The following IGFL3 variants were observed in gnomAD, a reference collection of about 807,000 sequenced individuals.
IGFL3 encodes insulin growth factor-like family member 3.
Under a neutral mutation model 17.0 loss-of-function variants are expected in IGFL3, and 12 were observed. That is an observed-to-expected ratio of 0.71 (90% CI 0.45 to 1.14). The LOEUF (loss-of-function observed/expected upper bound fraction) is 1.14. Among genes scored for constraint, IGFL3 ranks in the 50% most tolerant of loss-of-function variants. The pLI is 0.00. For synonymous variants in IGFL3, 52 were observed against 57.4 expected (o/e 0.91, Z 0.42); for missense variants, 153 against 151.6 (o/e 1.01, Z -0.05).
chr19:46,120,364 C>T lies in IGFL3; in HGVS notation c.351-7G>A. 6.2e-7 allele frequency: 1 copy of T among 1,610,952 alleles called. No homozygotes were observed. Among genetic ancestry groups the T allele is most frequent in the Admixed American group, 1.7e-5 (1 of 59,580 alleles). On this transcript the variant is annotated splice_region_variant and splice_polypyrimidine_tract_variant and intron_variant, in intron 3 of 3. Transcript: ENST00000341415. ...CAGGACGTGCCTCCTGTTCCTATCA[C>T]AGTGCCCCAAATCAAAGTGTCTTAA...
Position 46,120,190 on chromosome 19 carries a change from G to A in IGFL3, c.*140C>T, listed in dbSNP as rs1205874464. 6.5e-6 allele frequency: 8 copies of A among 1,226,548 alleles called. No individual in the cohort carries two copies. The highest frequency in any genetic ancestry group is 8.8e-6 in the Non-Finnish European group (8 of 904,908). 76.0% of individuals were successfully genotyped at this position (1,226,548 alleles called of 1,614,324 possible). ...CTGAAGTCTGGCCATCCCCAGCTGGGCTCCTCTCCAAAGCTATGTCATTGA... is the reference window on the plus strand; with the variant it reads ...CTGAAGTCTGGCCATCCCCAGCTGGACTCCTCTCCAAAGCTATGTCATTGA... On this transcript the variant is annotated 3_prime_UTR_variant, in exon 4 of 4. Transcript: ENST00000341415.
In IGFL3 at chr19:46,124,156, T is replaced by C; in HGVS notation, c.80A>G (p.Asp27Gly). The change falls in exon 3 of 4, where the codon GAC becomes GGC. Residue 27 changes from aspartate (D) to glycine (G), a missense_variant and splice_region_variant. Transcript: ENST00000341415. The part of the protein sequence containing the change: ...FLLQCSKGTT[D>G]APVGSGLWLC... ...CCACAGTCCTGAGCCAACAGGAGCG[T>C]CTGGGGGCAGACATTGATGGTGTAC... is the stretch of plus-strand genomic sequence containing the variant. 1 of 1,610,002 alleles carries C rather than the reference T, an allele frequency of 6.2e-7. No homozygotes were observed. The highest frequency in any genetic ancestry group is 8.5e-7 in the Non-Finnish European group (1 of 1,178,784).
rs1319032593 is a variant in IGFL3 at position 46,124,460 on chromosome 19, G to C, written c.26-139C>G. The C allele has an allele frequency of 8.7e-6, 10 of 1,151,804 alleles. No homozygotes were observed. The East Asian group carries it at 2.2e-4, about 25-fold the overall frequency. The allele number at this position is 1,151,804 out of a possible 1,614,324, so 71.3% of individuals were successfully genotyped here. ...TGGGGCTAAGTCTGTATGGGATCCC[G>C]TTCAGGCAGGCCCTGAGCAGCACGC... is the stretch of plus-strand genomic sequence containing the variant. On this transcript the variant is annotated intron_variant, in intron 1 of 3. Coordinates refer to ENST00000341415, the MANE Select transcript of IGFL3 (RefSeq NM_207393.2).
chr19:46,121,401 A>AG (rs1330084973), intron 3 of IGFL3, among the ~76,000 whole-genome samples: 1 of 148,678 alleles, frequency 6.7e-6, no homozygotes, highest in Non-Finnish European at 1.5e-5. Flanking sequence ...CTTGAAAAAA[A>AG]AAAAAAAAGA....
At chr19:46,124,187 A>G (rs771668414) in intron 2 of IGFL3, 31 bp from the exon 3 acceptor site, 3 of 1,610,060 alleles carry the variant, frequency 1.9e-6, no homozygotes, top group East Asian at 4.5e-5. Context: ...TGTACATCCA[A>G]GGAAGAACAG....
At chr19:46,123,675 G>C (rs1216820133) in intron 3 of IGFL3, among the ~76,000 whole-genome samples, 1 of 150,866 alleles carries the variant, frequency 6.6e-6, no homozygotes, top group Admixed American at 6.6e-5. Context: ...CAAGAAGATT[G>C]TGAGTTATTT....
rs1183516524 is a variant in IGFL3 at position 46,120,263 on chromosome 19, T to C, written c.*67A>G. 1 of 1,603,820 alleles carries C rather than the reference T, an allele frequency of 6.2e-7. No homozygotes were observed. Among genetic ancestry groups the C allele is most frequent in the Non-Finnish European group, 8.5e-7 (1 of 1,176,490 alleles). On this transcript the variant is annotated 3_prime_UTR_variant, in exon 4 of 4. Coordinates refer to ENST00000341415, the MANE Select transcript of IGFL3 (RefSeq NM_207393.2). ...GCTTCTCTCCGAAGTTCAACTGTAG[T>C]CTCCGATGTCCAGCTGCTTCGTCTC...
intron 3 of IGFL3, among the ~76,000 whole-genome samples, chr19:46,121,729 AGATTTTTTAGAAAACG>A (rs1236263802): frequency 6.6e-6 from 1 of 150,930 alleles, no homozygotes; most frequent in Non-Finnish European, 1.5e-5. Context: ...AAAGAAAGGC[AGATTTTTTAGAAAACG>A]TAGAAAAATT....
At position 46,123,983 on chromosome 19, in the gene IGFL3, C is replaced by T. The variant is rs201467841; in HGVS notation, c.253G>A (p.Glu85Lys). The change falls in exon 3 of 4, where the codon GAG becomes AAG. Residue 85 changes from glutamate (E) to lysine (K), a missense_variant. Glu to Lys is a moderately conservative substitution (Grantham distance 56). Transcript: ENST00000341415. ...FWPCFELCCPESFGPQQKFLV... is the reference protein window; with the variant it reads ...FWPCFELCCPKSFGPQQKFLV... ...AACTTCTGCTGGGGGCCAAAAGACT[C>T]GGGACAGCAGAGCTCAAAGCAGGGC... is the stretch of plus-strand genomic sequence containing the variant. 6.8e-6 allele frequency: 11 copies of T among 1,611,468 alleles called. No individual in the cohort carries two copies. Among genetic ancestry groups the T allele is most frequent in the African/African-American group, 4.1e-5 (3 of 73,932 alleles).
chr19:46,123,327 G>A (rs758734502), intron 3 of IGFL3, among the ~76,000 whole-genome samples: 10 of 150,646 alleles, frequency 6.6e-5, no homozygotes, highest in Non-Finnish European at 1.5e-5. Flanking sequence ...GAAACAAAAG[G>A]ACTACTTAAA....
intron 3 of IGFL3, among the ~76,000 whole-genome samples, chr19:46,122,964 C>G (rs1971857892): frequency 6.6e-6 from 1 of 150,466 alleles, no homozygotes; most frequent in African/African-American, 2.5e-5. Flanking sequence ...TTACTTCTTT[C>G]CAGGGTAAAA....
intron 3 of IGFL3, among the ~76,000 whole-genome samples, chr19:46,121,726 G>A (rs1415656943): frequency 3.3e-5 from 5 of 150,824 alleles, no homozygotes; most frequent in Admixed American, 3.3e-4. Context: ...GGTAAAGAAA[G>A]GCAGATTTTT....
rs375111896 is a variant in IGFL3 at position 46,120,295 on chromosome 19, C to T, written c.*35G>A. 20 of 1,610,180 alleles carry T rather than the reference C, an allele frequency of 1.2e-5. No homozygotes were observed. Among genetic ancestry groups the T allele is most frequent in the Non-Finnish European group, 1.7e-5 (20 of 1,179,288 alleles). On this transcript the variant is annotated 3_prime_UTR_variant, in exon 4 of 4. Coordinates refer to ENST00000341415, the MANE Select transcript of IGFL3 (RefSeq NM_207393.2). ...TGTCCAGCTGCTTCGTCTCTTCTCC[C>T]CTTGTCTGCCGTCTGCCAGTGGAGC...
chr19:46,123,269 A>T (rs898587408), intron 3 of IGFL3, among the ~76,000 whole-genome samples: 2 of 150,896 alleles, frequency 1.3e-5, no homozygotes, highest in African/African-American at 2.5e-5. Flanking sequence ...GTTTTTCTCC[A>T]GGTATCTTAC....
At chr19:46,123,743 C>T (rs1173764241) in intron 3 of IGFL3, 143 bp downstream of exon 3, 1 of 887,010 alleles carries the variant, frequency 1.1e-6, no homozygotes, top group African/African-American at 1.7e-5. Context: ...AGCTTATCTG[C>T]TTCTTCTTTT....
In IGFL3 at chr19:46,120,085, G is replaced by C. The variant is rs1971668827; in HGVS notation, c.*245C>G. On this transcript the variant is annotated 3_prime_UTR_variant, in exon 4 of 4. Coordinates refer to ENST00000341415, the MANE Select transcript of IGFL3 (RefSeq NM_207393.2). ...GAACGAATTGAAGATGGTAAATGTG[G>C]GGGATTTTATTGCCGATGAAAGTGG... The C allele has an allele frequency of 1.8e-6, 1 of 545,900 alleles. No homozygotes were observed. The highest frequency in any genetic ancestry group is 3.3e-5 in the Admixed American group (1 of 30,366). 33.8% of individuals were successfully genotyped at this position (545,900 alleles called of 1,614,324 possible). A position where few individuals can be genotyped will look rare whatever the true frequency, so the allele number is the denominator to read the frequency against.
At chr19:46,124,402 G>C (rs1476175876) in intron 1 of IGFL3, 81 bp from the exon 2 acceptor site, 5 of 1,423,540 alleles carry the variant, frequency 3.5e-6, no homozygotes, top group African/African-American at 2.9e-5. Flanking sequence ...AACAAACAGA[G>C]GTTAGGGTGG....
At position 46,124,109 on chromosome 19, in the gene IGFL3, A is replaced by T. The variant is rs774918220; in HGVS notation, c.127T>A (p.Cys43Ser). The change falls in exon 3 of 4, where the codon TGT (cysteine) becomes AGT (serine). Residue 43 changes from cysteine to serine, a missense_variant. Physicochemically the swap from Cys to Ser is moderately radical, Grantham distance 112. Coordinates refer to ENST00000341415, the MANE Select transcript of IGFL3 (RefSeq NM_207393.2). ...GAAGGGTTGTAGATCTTGTTCCCAC[A>T]CCTGGGTGTCGGCTGGCACAGCCAC... is the stretch of plus-strand genomic sequence containing the variant. The part of the protein sequence containing the change: ...GLWLCQPTPR[C>S]GNKIYNPSEQ... 6.7e-5 allele frequency: 108 copies of T among 1,610,938 alleles called. 2 individuals carry two copies. Among genetic ancestry groups the T allele is most frequent in the Non-Finnish European group, 8.6e-5 (102 of 1,179,446 alleles).
intron 3 of IGFL3, among the ~76,000 whole-genome samples, chr19:46,122,043 A>G (rs1190339080): frequency 1.3e-5 from 2 of 151,196 alleles, no homozygotes; most frequent in African/African-American, 4.9e-5. Flanking sequence ...ATGCTGTGAT[A>G]TAGCTAATGT....
Sources: allele counts gnomAD v4.1 joint callset (sites outside exome capture counted in the v4.1 genomes callset), GRCh38; gene constraint gnomAD v4.1.1; transcripts MANE v1.5; gene names NCBI Gene and HGNC (gene_info 2026-07-23, HGNC 2026-07-21).